The following PDE4D variants were observed in gnomAD, a reference collection of about 807,000 sequenced individuals.
The protein encoded by PDE4D is phosphodiesterase 4D.
In PDE4D, 24 loss-of-function variants were observed where a neutral mutation model predicts 87.4. That is an observed-to-expected ratio of 0.27 (90% CI 0.20 to 0.39). The LOEUF is 0.39. Among genes scored for constraint, PDE4D ranks in the 10% least tolerant of loss-of-function variants. PDE4D has a pLI of 1.00. For missense variants in PDE4D, 714 were observed against 1,041.0 expected (o/e 0.69, Z 4.32); for synonymous variants, 384 against 383.2 (o/e 1.00, Z -0.02).
chr5:59,413,870 A>G (rs1793139809), intron 1 of PDE4D, among the ~76,000 whole-genome samples: 1 of 152,220 alleles, frequency 6.6e-6, no homozygotes, highest in Non-Finnish European at 1.5e-5. Context: ...GAATCAATAC[A>G]CATGAAAGTG....
At chr5:59,515,211 C>A (rs1268237783) in intron 1 of PDE4D, among the ~76,000 whole-genome samples, 2 of 152,198 alleles carry the variant, frequency 1.3e-5, no homozygotes, top group Non-Finnish European at 2.9e-5. Flanking sequence ...AATGTGGAAG[C>A]ATGCTCTTTA....
intron 2 of PDE4D, among the ~76,000 whole-genome samples, chr5:60,007,009 T>C (rs1288892719): frequency 3.3e-5 from 5 of 152,100 alleles, no homozygotes; most frequent in Non-Finnish European, 7.4e-5. Flanking sequence ...CCTTCAAGTT[T>C]ATAAAGAAAT....
chr5:60,079,038 GC>G (rs1248378437), intron 2 of PDE4D, among the ~76,000 whole-genome samples: 1 of 151,988 alleles, frequency 6.6e-6, no homozygotes, highest in Non-Finnish European at 1.5e-5. Context: ...CCACAACCTT[GC>G]CAGCATCTGT....
intron 2 of PDE4D, among the ~76,000 whole-genome samples, chr5:60,158,109 A>T (rs1782149312): frequency 6.6e-6 from 1 of 152,196 alleles, no homozygotes; most frequent in Non-Finnish European, 1.5e-5. Context: ...TACCTAATAC[A>T]TATTAAGTAC....
intron 3 of PDE4D, among the ~76,000 whole-genome samples, chr5:59,944,138 A>G (rs779188485): frequency 6.6e-6 from 1 of 152,230 alleles, no homozygotes; most frequent in Non-Finnish European, 1.5e-5. Flanking sequence ...GTGTTAACTT[A>G]ATGCCGTGGA....
chr5:59,231,041 A>G (rs1310712388), intron 1 of PDE4D, among the ~76,000 whole-genome samples: 1 of 152,180 alleles, frequency 6.6e-6, no homozygotes, highest in African/African-American at 2.4e-5. Context: ...GTACACTGAG[A>G]TTAGCTTTCT....
rs530349820 is a variant in PDE4D at position 59,101,928 on chromosome 5, T to C, written c.809-62957A>G. Among the ~76,000 whole-genome samples the C allele has an allele frequency of 5.7e-4, 87 of 152,276 alleles. 1 individual carries two copies. Among genetic ancestry groups the C allele is most frequent in the Non-Finnish European group, 4.9e-4 (33 of 68,024 alleles). Reference sequence around the variant, plus strand: ...GAAGGGAGGCTTAAAATTCACCTTATGTTTGTTTAACAAACATACCAGGGA... The same window carrying C: ...GAAGGGAGGCTTAAAATTCACCTTACGTTTGTTTAACAAACATACCAGGGA... On this transcript the variant is annotated intron_variant, in intron 5 of 14. Transcript: ENST00000340635.
chr5:59,904,574 T>C (rs1056239050), intron 3 of PDE4D, among the ~76,000 whole-genome samples: 3 of 152,186 alleles, frequency 2.0e-5, no homozygotes, highest in African/African-American at 7.2e-5. Context: ...CAAATGGTGT[T>C]TCCTCAAGTG....
intron 1 of PDE4D, among the ~76,000 whole-genome samples, chr5:59,775,113 T>G (rs571990540): frequency 2.2e-4 from 34 of 152,272 alleles, no homozygotes; most frequent in African/African-American, 6.7e-4. Context: ...CTAAGGGAAA[T>G]TACTTCTAAT....
intron 11 of PDE4D, among the ~76,000 whole-genome samples, chr5:58,987,109 C>G (rs1332092380): frequency 6.6e-6 from 1 of 152,174 alleles, no homozygotes; most frequent in Admixed American, 6.5e-5. Flanking sequence ...CCAGCATGCA[C>G]TGTATTGCAT....
intron 1 of PDE4D, among the ~76,000 whole-genome samples, chr5:59,861,956 A>C (rs1746342006): frequency 6.6e-6 from 1 of 152,180 alleles, no homozygotes; most frequent in African/African-American, 2.4e-5. Context: ...AAGCAGTCCA[A>C]ATTTAGAGTT....
intron 5 of PDE4D, among the ~76,000 whole-genome samples, chr5:59,178,294 G>C (rs1160937795): frequency 1.3e-5 from 2 of 152,104 alleles, no homozygotes; most frequent in Non-Finnish European, 2.9e-5. Context: ...TTCATTTCCT[G>C]TTGTGCTTTG....
At position 59,985,124 on chromosome 5, in the gene PDE4D, G is replaced by GTTTTTTTTTTTTTT. The variant is rs762506771; in HGVS notation, c.272+3363_272+3364insAAAAAAAAAAAAAA. ...AATATAAGCCCGAACTTCACCTTTC[G>GTTTTTTTTTTTTTT]TTTTTTGTTTTTTGTTTTTTGTTTT... On this transcript the variant is annotated intron_variant, in intron 3 of 16. Coordinates refer to the PDE4D transcript ENST00000502484. Among the ~76,000 whole-genome samples, 160 of 111,312 alleles carry GTTTTTTTTTTTTTT rather than the reference G, an allele frequency of 1.4e-3. 49 individuals are homozygous for GTTTTTTTTTTTTTT. The East Asian group carries it at 0.018, about 13-fold the overall frequency. The allele number at this position is 111,312 out of a possible 152,430, so 73.0% of individuals were successfully genotyped here. A position where few individuals can be genotyped will look rare whatever the true frequency, so the allele number is the denominator to read the frequency against.
At chr5:59,459,399 A>G (rs183555292) in intron 1 of PDE4D, among the ~76,000 whole-genome samples, 6 of 152,268 alleles carry the variant, frequency 3.9e-5, no homozygotes, top group Admixed American at 2.6e-4. Flanking sequence ...TTCACATTCT[A>G]TACATTTTGG....
intron 1 of PDE4D, among the ~76,000 whole-genome samples, chr5:59,550,049 C>T (rs76736166): frequency 0.02 from 3,072 of 151,950 alleles, 33 homozygotes; most frequent in Middle Eastern, 0.037. Context: ...CCACCTATAA[C>T]ACTTTGAACC....
intron 11 of PDE4D, among the ~76,000 whole-genome samples, chr5:58,978,224 G>C (rs560221128): frequency 6.8e-6 from 1 of 146,886 alleles, no homozygotes; most frequent in Admixed American, 6.9e-5. Context: ...AGACCAGCCT[G>C]GTCAACATAG....
At chr5:59,015,653 G>A (rs927545061) in intron 6 of PDE4D, among the ~76,000 whole-genome samples, 1 of 152,158 alleles carries the variant, frequency 6.6e-6, no homozygotes, top group African/African-American at 2.4e-5. Flanking sequence ...TGAAGAAATA[G>A]GAACACTTTT....
At chr5:59,351,256 A>G (rs1780490775) in intron 1 of PDE4D, among the ~76,000 whole-genome samples, 1 of 152,156 alleles carries the variant, frequency 6.6e-6, no homozygotes. Context: ...CAGAGTTGGC[A>G]CTGAAGCTGG....
chr5:59,433,303 T>C, intron 1 of PDE4D, among the ~76,000 whole-genome samples: 1 of 152,036 alleles, frequency 6.6e-6, no homozygotes, highest in Admixed American at 6.6e-5. Flanking sequence ...AGCAGGGGCA[T>C]TTTTGCTTGT....
Sources: gnomAD v4.1 joint callset for allele counts (sites outside exome capture counted in the v4.1 genomes callset) on GRCh38, gnomAD v4.1.1 for gene constraint, MANE v1.5 for transcripts, NCBI Gene and HGNC (gene_info 2026-07-23, HGNC 2026-07-21) for gene names.